Variants in IPO11 observed in about 807,000 individuals in gnomAD.
The protein encoded by IPO11 is importin 11.
In IPO11, 66 loss-of-function variants were observed where a neutral mutation model predicts 143.2. That is an observed-to-expected ratio of 0.46 (90% confidence interval 0.38 to 0.57). The LOEUF (loss-of-function observed/expected upper bound fraction) is 0.57, where lower values mean the gene tolerates loss of function less well. Ranked by LOEUF, IPO11 falls within the 20% of genes least tolerant of loss-of-function variation. IPO11 has a pLI of 0.00. For synonymous variants in IPO11, 385 were observed against 377.8 expected, an observed-to-expected ratio of 1.02 and a Z score of -0.22; for missense variants, 1,026 against 1,141.0, an observed-to-expected ratio of 0.90 and a Z score of 1.45.
intron 22 of IPO11, among the ~76,000 whole-genome samples, chr5:62,536,012 G>A (rs1319955621): frequency 2.0e-5 from 3 of 152,130 alleles, no homozygotes; most frequent in Non-Finnish European, 2.9e-5. Context: ...TTAACAAATA[G>A]TTTCTACTCT....
intron 1 of IPO11, among the ~76,000 whole-genome samples, chr5:62,431,910 C>T (rs1744000337): frequency 6.6e-6 from 1 of 150,452 alleles, no homozygotes; most frequent in Non-Finnish European, 1.5e-5. Context: ...CACTGCACTC[C>T]AGCCTGGGTG....
intron 27 of IPO11, among the ~76,000 whole-genome samples, chr5:62,573,700 G>T (rs1385552762): frequency 6.6e-6 from 1 of 152,222 alleles, no homozygotes; most frequent in African/African-American, 2.4e-5. Context: ...TGGGTGCCAA[G>T]AAGCAGTTAA....
At chr5:62,546,991 A>AG (rs1483575273) in intron 24 of IPO11, among the ~76,000 whole-genome samples, 1 of 152,162 alleles carries the variant, frequency 6.6e-6, no homozygotes, top group African/African-American at 2.4e-5. Context: ...AACCATGTAG[A>AG]GGTAAAGCAT....
At chr5:62,521,687 A>G (rs1015150391) in intron 20 of IPO11, among the ~76,000 whole-genome samples, 1 of 150,532 alleles carries the variant, frequency 6.6e-6, no homozygotes, top group African/African-American at 2.4e-5. Context: ...TACTTACATG[A>G]TAGATATTCT....
intron 1 of IPO11, among the ~76,000 whole-genome samples, chr5:62,416,914 G>C (rs1036903707): frequency 2.0e-5 from 3 of 151,330 alleles, no homozygotes; most frequent in African/African-American, 7.3e-5. Context: ...ATTTTTTTTT[G>C]TAGAGATGGG....
intron 28 of IPO11, among the ~76,000 whole-genome samples, chr5:62,599,882 T>C (rs1395364483): frequency 7.9e-5 from 12 of 152,228 alleles, no homozygotes; most frequent in Admixed American, 3.3e-4. Context: ...ATCAACAAAA[T>C]GAGATTTGAC....
chr5:62,485,495 G>A (rs754918627), intron 12 of IPO11, 33 bp downstream of exon 12: 3 of 1,510,194 alleles, frequency 2.0e-6, no homozygotes, highest in Admixed American at 3.4e-5. Flanking sequence ...ATTGATAGGG[G>A]AAAGCTTAAT....
intron 29 of IPO11, among the ~76,000 whole-genome samples, chr5:62,607,487 A>C (rs888884730): frequency 4.6e-5 from 7 of 152,202 alleles, no homozygotes; most frequent in Admixed American, 2.0e-4. Flanking sequence ...TAAAGATAGA[A>C]TTGTATTGGT....
intron 20 of IPO11, among the ~76,000 whole-genome samples, chr5:62,516,080 A>G (rs552600819): frequency 6.6e-6 from 1 of 152,312 alleles, no homozygotes; most frequent in South Asian, 2.1e-4. Context: ...CAAGGCCGTG[A>G]GTTAGAATAT....
chr5:62,473,972 C>T (rs756626189), intron 7 of IPO11, among the ~76,000 whole-genome samples: 172 of 151,966 alleles, frequency 1.1e-3, no homozygotes, highest in Non-Finnish European at 2.1e-3. Flanking sequence ...TATTGCCAAA[C>T]GATGTTTCAG....
intron 20 of IPO11, among the ~76,000 whole-genome samples, chr5:62,518,667 A>C (rs1366132374): frequency 1.3e-5 from 2 of 152,114 alleles, no homozygotes; most frequent in East Asian, 3.9e-4. Context: ...AAATACTGCT[A>C]TCTTTTGGCT....
chr5:62,494,203 G>A, intron 16 of IPO11, 79 bp downstream of exon 16: 1 of 1,313,620 alleles, frequency 7.6e-7, no homozygotes, highest in Non-Finnish European at 1.0e-6. Flanking sequence ...AACAGTTTAT[G>A]TCTTTTCTTT....
chr5:62,627,353 A>T lies in IPO11; in HGVS notation c.*35A>T. ...ACATGTGGCTGCCTCCCCTTTCAGA[A>T]ACAAGCTGAGTAACCCAGCCTGCCG... On this transcript the variant is annotated 3_prime_UTR_variant, in exon 30 of 30. Coordinates refer to ENST00000325324, the MANE Select transcript of IPO11 (RefSeq NM_016338.5). 1 of 1,587,996 alleles carries T rather than the reference A, an allele frequency of 6.3e-7. No homozygotes were observed. The highest frequency in any genetic ancestry group is 8.6e-7 in the Non-Finnish European group (1 of 1,161,856).
chr5:62,559,059 G>T (rs939661576), intron 26 of IPO11, among the ~76,000 whole-genome samples: 1 of 152,110 alleles, frequency 6.6e-6, no homozygotes, highest in South Asian at 2.1e-4. Context: ...AAATTCTAGC[G>T]ATCTCAGCCT....
At chr5:62,511,667 CAT>C (rs1311965843) in intron 19 of IPO11, among the ~76,000 whole-genome samples, 3 of 152,056 alleles carry the variant, frequency 2.0e-5, no homozygotes, top group Non-Finnish European at 4.4e-5. Context: ...TTTCTGGGAA[CAT>C]TTTAAATTTT....
chr5:62,562,389 A>G (rs1447376326), intron 27 of IPO11, among the ~76,000 whole-genome samples: 1 of 152,200 alleles, frequency 6.6e-6, no homozygotes, highest in African/African-American at 2.4e-5. Flanking sequence ...AAATTTTTCC[A>G]TGAACTGGGG....
At chr5:62,491,105 A>T (rs573115724) in intron 15 of IPO11, among the ~76,000 whole-genome samples, 1 of 152,206 alleles carries the variant, frequency 6.6e-6, no homozygotes, top group East Asian at 1.9e-4. Context: ...ACTTCTACTG[A>T]TTCACTTCAG....
chr5:62,620,910 G>A (rs1457192362), intron 29 of IPO11, among the ~76,000 whole-genome samples: 3 of 152,170 alleles, frequency 2.0e-5, no homozygotes, highest in Admixed American at 2.0e-4. Context: ...GTGGCGGAGG[G>A]CCTTACAATT....
At chr5:62,592,732 G>C (rs753372653) in intron 28 of IPO11, among the ~76,000 whole-genome samples, 1 of 152,076 alleles carries the variant, frequency 6.6e-6, no homozygotes, top group Non-Finnish European at 1.5e-5. Context: ...TCACGTGGCG[G>C]CAGGAAGGAG....
Sources: allele counts gnomAD v4.1 joint callset (sites outside exome capture counted in the v4.1 genomes callset), GRCh38; gene constraint gnomAD v4.1.1; transcripts MANE v1.5; gene names NCBI Gene and HGNC (gene_info 2026-07-23, HGNC 2026-07-21).